Variants in ZNF618 observed in about 807,000 individuals in gnomAD.
The protein encoded by ZNF618 is neural precursor cell expressed, developmentally down-regulated 10.
Under a neutral mutation model 103.0 loss-of-function variants are expected in ZNF618, and 34 were observed. The ratio of observed to expected loss-of-function variants is 0.33; its 90% CI spans 0.25 to 0.44. The LOEUF (loss-of-function observed/expected upper bound fraction) is 0.44, where lower values mean the gene tolerates loss of function less well. Ranked by LOEUF, ZNF618 falls within the 20% of genes least tolerant of loss-of-function variation. The pLI is 1.00. For synonymous variants in ZNF618, 551 were observed against 542.2 expected (o/e 1.02, Z -0.23); for missense variants, 1,059 against 1,295.4 (o/e 0.82, Z 2.80).
chr9:113,960,466 G>A (rs1836738942), intron 1 of ZNF618, among the ~76,000 whole-genome samples: 1 of 152,180 alleles, frequency 6.6e-6, no homozygotes, highest in African/African-American at 2.4e-5. Context: ...AATCTGCATG[G>A]CTGCCTATCA....
At chr9:114,031,351 TTG>T (rs1844013102) in intron 11 of ZNF618, among the ~76,000 whole-genome samples, 1 of 152,148 alleles carries the variant, frequency 6.6e-6, no homozygotes, top group Non-Finnish European at 1.5e-5. Flanking sequence ...AGGGTTGTCC[TTG>T]TAATGTTAGC....
rs370545440 is a variant in ZNF618, at chr9:114,036,392, G to A, written c.1246+15G>A. ...GTCCCATGCAGGTAAGTAGGATACG[G>A]CTTCTCTCCCCCTCTCCTTCCTCAG... On this transcript the variant is annotated intron_variant, in intron 13 of 14. Coordinates refer to ENST00000374126, the MANE Select transcript of ZNF618 (RefSeq NM_001318042.2). 3.8e-6 allele frequency: 6 copies of A among 1,564,640 alleles called. No homozygotes were observed. The African/African-American group carries it at 4.1e-5, about 11-fold the overall frequency.
intron 1 of ZNF618, among the ~76,000 whole-genome samples, chr9:113,912,358 G>A (rs768242795): frequency 6.6e-6 from 1 of 152,172 alleles, no homozygotes; most frequent in Non-Finnish European, 1.5e-5. Flanking sequence ...ACTCAGGCCT[G>A]GCAGATGCAG....
At chr9:114,033,056 T>C (rs951955686) in intron 12 of ZNF618, among the ~76,000 whole-genome samples, 3 of 152,034 alleles carry the variant, frequency 2.0e-5, no homozygotes, top group African/African-American at 7.2e-5. Context: ...ACTGCTATGT[T>C]TTTAGGGTAG....
chr9:113,999,966 C>T (rs1269886684), intron 4 of ZNF618, among the ~76,000 whole-genome samples: 1 of 152,222 alleles, frequency 6.6e-6, no homozygotes, highest in African/African-American at 2.4e-5. Context: ...CAGATGAGTA[C>T]AACAGCAAGA....
In ZNF618 at chr9:114,054,311, T is replaced by A. The variant is rs1846324534; in HGVS notation, c.*4144T>A. On this transcript the variant is annotated 3_prime_UTR_variant, in exon 15 of 15. Transcript: ENST00000374126. ...GGGAAGGTTTGAAATGAAGATGGGATGTGGCTGGAACAGCCTGTGAGATGG... is the reference window on the plus strand; with the variant it reads ...GGGAAGGTTTGAAATGAAGATGGGAAGTGGCTGGAACAGCCTGTGAGATGG... 6.6e-6 allele frequency: 1 copy of A among 152,318 alleles called. No homozygotes were observed. Among genetic ancestry groups the A allele is most frequent in the African/African-American group, 2.4e-5 (1 of 41,454 alleles). The allele number at this position is 152,318 out of a possible 1,614,324, so 9.4% of individuals were successfully genotyped here.
rs1423926019 is a variant in ZNF618, at chr9:114,029,081, TC to T, written c.1084+112del. 6.3e-6 allele frequency: 9 copies of T among 1,433,104 alleles called. No homozygotes were observed. In the Admixed American group the frequency reaches 1.8e-4, roughly 29 times the overall value. 88.8% of individuals were successfully genotyped at this position (1,433,104 alleles called of 1,614,324 possible). On this transcript the variant is annotated intron_variant, in intron 11 of 14. Coordinates refer to ENST00000374126, the MANE Select transcript of ZNF618 (RefSeq NM_001318042.2). ...TGCCTTGCAAGAGCAAGAGTGGCAG[TC>T]CCGTAGTGATCTGGGACAAATCTGA...
intron 2 of ZNF618, among the ~76,000 whole-genome samples, chr9:113,978,360 G>A (rs1349306237): frequency 1.3e-5 from 2 of 152,176 alleles, no homozygotes; most frequent in Non-Finnish European, 2.9e-5. Flanking sequence ...ACTAAAAGCT[G>A]GAGACTCTTT....
chr9:114,017,438 G>T (rs1314225530), intron 10 of ZNF618, among the ~76,000 whole-genome samples: 1 of 152,140 alleles, frequency 6.6e-6, no homozygotes, highest in Non-Finnish European at 1.5e-5. Flanking sequence ...CATCCTCCTG[G>T]TGCCCGTGAG....
chr9:113,943,765 G>A (rs190803499), intron 1 of ZNF618, among the ~76,000 whole-genome samples: 136 of 152,262 alleles, frequency 8.9e-4, no homozygotes, highest in African/African-American at 3.1e-3. Context: ...GAGGGGATGA[G>A]GGGGACTGAG....
At chr9:114,015,946 G>C (rs1202038481) in intron 9 of ZNF618, among the ~76,000 whole-genome samples, 7 of 152,262 alleles carry the variant, frequency 4.6e-5, no homozygotes, top group African/African-American at 1.7e-4. Flanking sequence ...GGTGTTATCA[G>C]TGAGAGAAGC....
chr9:113,998,123 C>T, intron 3 of ZNF618, 136 bp from the exon 4 acceptor site: 1 of 776,448 alleles, frequency 1.3e-6, no homozygotes, highest in Non-Finnish European at 2.1e-6. Context: ...CCTTGGCCAG[C>T]ACAAGGTTTT....
At chr9:114,024,442 G>A (rs529645159) in intron 10 of ZNF618, among the ~76,000 whole-genome samples, 10 of 152,346 alleles carry the variant, frequency 6.6e-5, no homozygotes, top group Admixed American at 2.6e-4. Context: ...ATGCTGTGTT[G>A]TTGACTTGAT....
chr9:113,955,860 C>T (rs1371086981), intron 1 of ZNF618, among the ~76,000 whole-genome samples: 2 of 151,984 alleles, frequency 1.3e-5, no homozygotes, highest in Non-Finnish European at 2.9e-5. Context: ...CTTCTTTCTT[C>T]TATGTGGGAA....
rs145003442 is a variant in ZNF618 at position 113,954,307 on chromosome 9, G to T, written c.34-14810G>T. Among the ~76,000 whole-genome samples, 509 of 152,234 alleles carry T rather than the reference G, an allele frequency of 3.3e-3. 3 individuals are homozygous for T. The highest frequency in any genetic ancestry group is 0.012 in the African/African-American group (486 of 41,524). ...GATGCTTCTAGAGTGTCCACTGGGT[G>T]CTTGGGTCTTCTGGGCAGGGGGTTG... On this transcript the variant is annotated intron_variant, in intron 1 of 14. Coordinates refer to ENST00000374126, the MANE Select transcript of ZNF618 (RefSeq NM_001318042.2).
chr9:114,050,914 T>A lies in ZNF618; in HGVS notation c.*747T>A, dbSNP rs1846093315. On this transcript the variant is annotated 3_prime_UTR_variant, in exon 15 of 15. Coordinates refer to ENST00000374126, the MANE Select transcript of ZNF618 (RefSeq NM_001318042.2). ...CTTGGGTGTCCCGGGGCAGCCGCCT[T>A]AGAAACACACCTATCTATCTCCCCA... The A allele has an allele frequency of 6.5e-6, 1 of 152,684 alleles. No homozygotes were observed. Among genetic ancestry groups the A allele is most frequent in the Non-Finnish European group, 1.5e-5 (1 of 68,066 alleles). 9.5% of individuals were successfully genotyped at this position (152,684 alleles called of 1,614,324 possible). A position where few individuals can be genotyped will look rare whatever the true frequency, so the allele number is the denominator to read the frequency against.
chr9:113,994,028 C>A (rs779503857), intron 3 of ZNF618, among the ~76,000 whole-genome samples: 10 of 152,038 alleles, frequency 6.6e-5, no homozygotes, highest in Non-Finnish European at 1.5e-4. Context: ...AGTGCAGGAG[C>A]GGGAGTCAAG....
At chr9:113,983,808 T>G (rs1839195660) in intron 2 of ZNF618, among the ~76,000 whole-genome samples, 1 of 152,196 alleles carries the variant, frequency 6.6e-6, no homozygotes, top group South Asian at 2.1e-4. Context: ...TGCCTTTGGA[T>G]AGGGCCTCTC....
chr9:113,888,517 A>G (rs1829290504), intron 1 of ZNF618, among the ~76,000 whole-genome samples: 1 of 152,272 alleles, frequency 6.6e-6, no homozygotes, highest in Admixed American at 6.5e-5. Context: ...TCCCGGATTC[A>G]GAATGCAAAT....
Sources: gnomAD v4.1 joint callset for allele counts (sites outside exome capture counted in the v4.1 genomes callset) on GRCh38, gnomAD v4.1.1 for gene constraint, MANE v1.5 for transcripts, NCBI Gene and HGNC (gene_info 2026-07-23, HGNC 2026-07-21) for gene names.